ARSG: variants seen among roughly 807,000 people sequenced by gnomAD.
The protein encoded by ARSG is ASG.
Under a neutral mutation model 50.5 loss-of-function variants are expected in ARSG, and 37 were observed. That is an observed-to-expected ratio of 0.73 (90% CI 0.56 to 0.96). The LOEUF is 0.96. Ranked by LOEUF, ARSG falls within the 50% of genes least tolerant of loss-of-function variation. ARSG has a pLI of 0.00. For synonymous variants in ARSG, 225 were observed against 254.6 expected (o/e 0.88, Z 1.11); for missense variants, 629 against 675.3 (o/e 0.93, Z 0.76).
upstream of ARSG, chr17:68,291,193 T>G (rs1390779546): frequency 6.6e-6 from 1 of 151,806 alleles, no homozygotes; most frequent in Non-Finnish European, 1.5e-5. Context: ...GATTAACCCC[T>G]TAGGGGGCGG....
At chr17:68,392,594 G>A (rs1014768591) in intron 9 of ARSG, among the ~76,000 whole-genome samples, 1 of 152,214 alleles carries the variant, frequency 6.6e-6, no homozygotes, top group African/African-American at 2.4e-5. Context: ...CCACCTCCCA[G>A]GTTCAAGCCA....
intron 2 of ARSG, among the ~76,000 whole-genome samples, chr17:68,338,820 G>A (rs17671436): frequency 0.079 from 12,018 of 152,278 alleles, 662 homozygotes; most frequent in Non-Finnish European, 0.12. Flanking sequence ...AAATGGAAAC[G>A]ACCTCCTTGG....
At chr17:68,443,440 G>T in the ARSG span, among the ~76,000 whole-genome samples, 40 of 152,202 alleles carry the variant, frequency 2.6e-4, no homozygotes, top group Admixed American at 2.6e-3. Flanking sequence ...ATATCCTTTT[G>T]CCATAGCTGA....
intron 8 of ARSG, 146 bp from the exon 9 acceptor site, chr17:68,384,918 G>A (rs2080625231): frequency 8.0e-6 from 5 of 623,964 alleles, no homozygotes; most frequent in Non-Finnish European, 1.4e-5. Flanking sequence ...GCTAGTTGAG[G>A]GAAATAGCTG....
intron 1 of ARSG, among the ~76,000 whole-genome samples, chr17:68,295,198 G>A (rs1555757700): frequency 6.6e-6 from 1 of 152,112 alleles, no homozygotes; most frequent in Non-Finnish European, 1.5e-5. Context: ...GCTGAGCCAA[G>A]GGAGAGGTGA....
chr17:68,433,774 T>G, the ARSG span, among the ~76,000 whole-genome samples: 7 of 35,208 alleles, frequency 2.0e-4, no homozygotes, highest in East Asian at 6.7e-4. Context: ...TTTTTTTTTT[T>G]TTTTTTTTTT....
intron 1 of ARSG, among the ~76,000 whole-genome samples, chr17:68,286,414 C>G (rs1257094517): frequency 1.3e-5 from 2 of 152,164 alleles, no homozygotes; most frequent in African/African-American, 2.4e-5. Flanking sequence ...AACTGATCCC[C>G]AAGAGGTGAA....
intron 1 of ARSG, among the ~76,000 whole-genome samples, chr17:68,264,749 A>G (rs1301461555): frequency 6.6e-6 from 1 of 151,940 alleles, no homozygotes; most frequent in Admixed American, 6.6e-5. Context: ...ACTCATTTTT[A>G]TAAGTAGAAT....
intron 1 of ARSG, among the ~76,000 whole-genome samples, chr17:68,305,764 A>AT (rs2076582285): frequency 6.6e-6 from 1 of 152,088 alleles, no homozygotes; most frequent in African/African-American, 2.4e-5. Context: ...TTTCCCCCAG[A>AT]TTAACTTCTG....
intron 10 of ARSG, chr17:68,400,158 G>GT (rs1480401064): frequency 6.6e-6 from 1 of 152,260 alleles, no homozygotes; most frequent in Non-Finnish European, 1.5e-5. Context: ...TTTGAATCAT[G>GT]TAAGTGCCTT....
intron 1 of ARSG, chr17:68,272,857 G>A (rs2075385716): frequency 6.5e-7 from 1 of 1,528,906 alleles, no homozygotes; most frequent in Non-Finnish European, 8.9e-7. Flanking sequence ...TTTTGGTTTT[G>A]CTTTTTGAAT....
At chr17:68,384,940 A>G (rs1235081410) in intron 8 of ARSG, 124 bp from the exon 9 acceptor site, 9 of 705,254 alleles carry the variant, frequency 1.3e-5, no homozygotes, top group Non-Finnish European at 1.7e-5. Context: ...TTACCAAAAA[A>G]GTCATTCCTT....
At chr17:68,280,882 C>T (rs998893441) in intron 1 of ARSG, among the ~76,000 whole-genome samples, 3 of 152,154 alleles carry the variant, frequency 2.0e-5, no homozygotes, top group South Asian at 2.1e-4. Context: ...CCCAGCACTT[C>T]GGGATGCCAA....
At chr17:68,428,891 G>T in the ARSG span, 1 of 1,614,156 alleles carries the variant, frequency 6.2e-7, no homozygotes, top group Non-Finnish European at 8.5e-7. Flanking sequence ...ACATATAAAG[G>T]TGTCCACTGG....
At chr17:68,324,426 C>T (rs1555771690) in intron 2 of ARSG, among the ~76,000 whole-genome samples, 1 of 152,172 alleles carries the variant, frequency 6.6e-6, no homozygotes, top group African/African-American at 2.4e-5. Context: ...GCTCCTGTAA[C>T]ACGATGACCT....
At chr17:68,357,572 A>C (rs1056369147) in intron 6 of ARSG, among the ~76,000 whole-genome samples, 15 of 152,224 alleles carry the variant, frequency 9.9e-5, no homozygotes, top group African/African-American at 3.6e-4. Flanking sequence ...CATATACCGT[A>C]ACATTCACAG....
rs2078811268 is a variant in ARSG, at chr17:68,352,123, AGAGAGAGAGAGAGACAGAG to A, written c.566+452_566+470del. ...AGAGAGAGAGAGAGAGACAGAGGAG[AGAGAGAGAGAGAGACAGAG>A]GAGAGAGAGAGAGAGAGAGACAGAG... On this transcript the variant is annotated intron_variant, in intron 5 of 11. Coordinates refer to ENST00000621439, the MANE Select transcript of ARSG (RefSeq NM_001267727.2). 1.8e-4 allele frequency among the ~76,000 whole-genome samples: 24 copies of A among 132,632 alleles called. 1 individual carries two copies. In the Admixed American group the frequency reaches 1.8e-3, roughly 10 times the overall value. 87.0% of individuals were successfully genotyped at this position (132,632 alleles called of 152,430 possible).
At chr17:68,350,758 C>A (rs1235235019) in intron 4 of ARSG, among the ~76,000 whole-genome samples, 1 of 151,928 alleles carries the variant, frequency 6.6e-6, no homozygotes, top group Non-Finnish European at 1.5e-5. Context: ...GCACTCCAGC[C>A]TGGGTGACAG....
At chr17:68,433,779 T>TTTTTTG in the ARSG span, among the ~76,000 whole-genome samples, 2 of 70,518 alleles carry the variant, frequency 2.8e-5, no homozygotes, top group African/African-American at 8.9e-5. Flanking sequence ...TTTTTTTTTT[T>TTTTTTG]TTTTTTTTTT....
Sources: allele counts gnomAD v4.1 joint callset (sites outside exome capture counted in the v4.1 genomes callset), GRCh38; gene constraint gnomAD v4.1.1; transcripts MANE v1.5; gene names NCBI Gene and HGNC (gene_info 2026-07-23, HGNC 2026-07-21).